Variants in SGMS1 observed in about 807,000 individuals in gnomAD.
The protein encoded by SGMS1 is sphingomyelin synthase 1.
Under a neutral mutation model 46.2 loss-of-function variants are expected in SGMS1, and 13 were observed. The ratio of observed to expected loss-of-function variants is 0.28; its 90% CI spans 0.18 to 0.45. The LOEUF is 0.45. Ranked by LOEUF, SGMS1 falls within the 20% of genes least tolerant of loss-of-function variation. SGMS1 has a pLI of 1.00. For synonymous variants in SGMS1, 203 were observed against 187.8 expected, an observed-to-expected ratio of 1.08 and a Z score of -0.66; for missense variants, 324 against 519.9, an observed-to-expected ratio of 0.62 and a Z score of 3.66.
intron 6 of SGMS1, among the ~76,000 whole-genome samples, chr10:50,387,583 TTA>T (rs759488426): frequency 1.4e-4 from 22 of 152,248 alleles, no homozygotes; most frequent in Non-Finnish European, 2.4e-4. Context: ...CTCCTCCATC[TTA>T]TCTTTCAGAG....
chr10:50,373,436 A>G (rs1848473328), intron 6 of SGMS1, among the ~76,000 whole-genome samples: 1 of 152,098 alleles, frequency 6.6e-6, no homozygotes, highest in Non-Finnish European at 1.5e-5. Flanking sequence ...TACCCAAACC[A>G]TTTGATGAAA....
intron 3 of SGMS1, among the ~76,000 whole-genome samples, chr10:50,486,383 C>T (rs12219070): frequency 0.17 from 25,585 of 152,124 alleles, 2,382 homozygotes; most frequent in East Asian, 0.26. Context: ...AGACAACCTA[C>T]GGAACGGGAG....
intron 6 of SGMS1, among the ~76,000 whole-genome samples, chr10:50,345,515 A>C (rs1399093419): frequency 6.6e-6 from 1 of 152,236 alleles, no homozygotes; most frequent in Non-Finnish European, 1.5e-5. Flanking sequence ...ATTTTAAAGT[A>C]GGATTCAAAA....
At chr10:50,350,349 A>G (rs1847987283) in intron 6 of SGMS1, among the ~76,000 whole-genome samples, 1 of 152,216 alleles carries the variant, frequency 6.6e-6, no homozygotes, top group South Asian at 2.1e-4. Flanking sequence ...TCAGTTTGAT[A>G]AGGGAAAATC....
chr10:50,401,663 T>G (rs1445192891), intron 6 of SGMS1, among the ~76,000 whole-genome samples: 1 of 152,216 alleles, frequency 6.6e-6, no homozygotes, highest in Non-Finnish European at 1.5e-5. Context: ...TGAAATTTTC[T>G]TAAGGGATAC....
intron 2 of SGMS1, among the ~76,000 whole-genome samples, chr10:50,540,432 T>C (rs10826164): frequency 0.3 from 45,214 of 152,006 alleles, 7,727 homozygotes; most frequent in East Asian, 0.64. Context: ...ACCACTACTC[T>C]CATTCTTTCA....
At chr10:50,533,069 G>GA (rs1409934902) in intron 2 of SGMS1, among the ~76,000 whole-genome samples, 11 of 151,938 alleles carry the variant, frequency 7.2e-5, no homozygotes, top group Admixed American at 4.6e-4. Context: ...TGATCTTCAT[G>GA]AAAAAAAATG....
intron 1 of SGMS1, among the ~76,000 whole-genome samples, chr10:50,602,498 G>A (rs1838658167): frequency 1.3e-5 from 2 of 152,176 alleles, no homozygotes; most frequent in African/African-American, 4.8e-5. Flanking sequence ...ATCAGGGGAA[G>A]AAGGGAGAAG....
At chr10:50,345,168 A>G (rs1847896288) in intron 6 of SGMS1, among the ~76,000 whole-genome samples, 1 of 151,316 alleles carries the variant, frequency 6.6e-6, no homozygotes, top group Non-Finnish European at 1.5e-5. Flanking sequence ...ATATGTGCTT[A>G]GGTCCCAAAT....
intron 3 of SGMS1, among the ~76,000 whole-genome samples, chr10:50,518,419 T>C (rs1837828133): frequency 6.6e-6 from 1 of 152,124 alleles, no homozygotes; most frequent in South Asian, 2.1e-4. Flanking sequence ...AAAAATGTTT[T>C]TAGTTTGTTT....
chr10:50,498,346 C>T (rs2339505), intron 3 of SGMS1, among the ~76,000 whole-genome samples: 80,857 of 151,986 alleles, frequency 0.53, 21,665 homozygotes, highest in Admixed American at 0.64. Context: ...AATTTATCAC[C>T]TTAATCATTT....
chr10:50,534,308 G>A (rs568298482), intron 2 of SGMS1, among the ~76,000 whole-genome samples: 1 of 152,128 alleles, frequency 6.6e-6, no homozygotes, highest in African/African-American at 2.4e-5. Context: ...TTAAAATATA[G>A]TACTGGGCAC....
At chr10:50,619,897 T>C (rs1464082569) in intron 1 of SGMS1, among the ~76,000 whole-genome samples, 1 of 152,218 alleles carries the variant, frequency 6.6e-6, no homozygotes, top group Non-Finnish European at 1.5e-5. Flanking sequence ...ACACTGGTGC[T>C]CTTGGCTTTT....
intron 3 of SGMS1, among the ~76,000 whole-genome samples, chr10:50,490,630 G>A (rs1588851535): frequency 6.6e-6 from 1 of 152,084 alleles, no homozygotes; most frequent in South Asian, 2.1e-4. Context: ...CAGTATTATC[G>A]ATCTCAAAGA....
chr10:50,327,076 TA>T (rs1847544163), intron 8 of SGMS1, 128 bp downstream of exon 8: 1 of 581,824 alleles, frequency 1.7e-6, no homozygotes, highest in Non-Finnish European at 3.1e-6. Flanking sequence ...TATCATTTAG[TA>T]ACATTCTCAG....
chr10:50,454,854 A>G (rs1205673995), intron 5 of SGMS1, among the ~76,000 whole-genome samples: 3 of 152,202 alleles, frequency 2.0e-5, no homozygotes, highest in African/African-American at 7.2e-5. Context: ...ACTTATAGGC[A>G]GTACAAGAAG....
chr10:50,580,757 G>A (rs1838425813), intron 2 of SGMS1, among the ~76,000 whole-genome samples: 1 of 152,186 alleles, frequency 6.6e-6, no homozygotes, highest in African/African-American at 2.4e-5. Context: ...GGGGTTACAG[G>A]AGGGAGAGAA....
intron 2 of SGMS1, among the ~76,000 whole-genome samples, chr10:50,555,016 C>G (rs958565640): frequency 6.6e-6 from 1 of 152,172 alleles, no homozygotes. Context: ...GTCCTGGACA[C>G]CTCTAACCAT....
intron 2 of SGMS1, among the ~76,000 whole-genome samples, chr10:50,585,765 A>G (rs1326516898): frequency 2.0e-5 from 3 of 152,214 alleles, no homozygotes; most frequent in African/African-American, 7.2e-5. Flanking sequence ...AGCTTCTTTT[A>G]AACTCCTCAA....
Sources: gnomAD v4.1 joint callset for allele counts (sites outside exome capture counted in the v4.1 genomes callset) on GRCh38, gnomAD v4.1.1 for gene constraint, MANE v1.5 for transcripts, NCBI Gene and HGNC (gene_info 2026-07-23, HGNC 2026-07-21) for gene names.